Variants in PTPRK observed in about 807,000 individuals in gnomAD.
PTPRK encodes the protein receptor-type tyrosine-protein phosphatase kappa.
PTPRK carries 75 observed loss-of-function variants against 178.0 expected under a neutral mutation model. The ratio of observed to expected loss-of-function variants is 0.42; its 90% CI spans 0.35 to 0.51. The LOEUF (loss-of-function observed/expected upper bound fraction) is 0.51, where lower values mean the gene tolerates loss of function less well. Ranked by LOEUF, PTPRK falls within the 20% of genes least tolerant of loss-of-function variation. PTPRK has a pLI of 0.02. For synonymous variants in PTPRK, 637 were observed against 620.6 expected (o/e 1.03, Z -0.39); for missense variants, 1,441 against 1,797.8 (o/e 0.80, Z 3.59).
chr6:128,109,932 C>T (rs1790371291), intron 7 of PTPRK, among the ~76,000 whole-genome samples: 1 of 151,968 alleles, frequency 6.6e-6, no homozygotes, highest in Non-Finnish European at 1.5e-5. Flanking sequence ...GAGAGACAGG[C>T]TCTTGCTCTG....
At chr6:128,367,204 A>C (rs1835631340) in intron 2 of PTPRK, among the ~76,000 whole-genome samples, 1 of 152,140 alleles carries the variant, frequency 6.6e-6, no homozygotes, top group African/African-American at 2.4e-5. Context: ...ATGTATGGTT[A>C]ATTTAAATGC....
chr6:128,358,232 T>C (rs1268463964), intron 2 of PTPRK, among the ~76,000 whole-genome samples: 1 of 152,184 alleles, frequency 6.6e-6, no homozygotes, highest in African/African-American at 2.4e-5. Context: ...ACTATAATGG[T>C]CCTTGGCCCT....
At chr6:128,017,268 G>T (rs1255481684) in intron 13 of PTPRK, among the ~76,000 whole-genome samples, 1 of 151,910 alleles carries the variant, frequency 6.6e-6, no homozygotes, top group African/African-American at 2.4e-5. Flanking sequence ...TTTATGATTT[G>T]CACTTTATTT....
intron 2 of PTPRK, among the ~76,000 whole-genome samples, chr6:128,360,424 T>C (rs1432500263): frequency 2.6e-5 from 4 of 152,190 alleles, no homozygotes. Flanking sequence ...CTCCATCTCT[T>C]TGAAATTTCA....
intron 25 of PTPRK, among the ~76,000 whole-genome samples, chr6:127,979,194 T>C (rs1774968799): frequency 6.6e-6 from 1 of 152,168 alleles, no homozygotes; most frequent in African/African-American, 2.4e-5. Flanking sequence ...GAGGACCACT[T>C]GAGCCCAGGA....
chr6:128,139,271 G>A (rs571365913), intron 7 of PTPRK, among the ~76,000 whole-genome samples: 10 of 151,964 alleles, frequency 6.6e-5, no homozygotes, highest in Non-Finnish European at 1.3e-4. Flanking sequence ...TCTGAGTACA[G>A]GAATCAAGAA....
At chr6:128,226,136 C>T (rs978336134) in intron 5 of PTPRK, among the ~76,000 whole-genome samples, 1 of 152,168 alleles carries the variant, frequency 6.6e-6, no homozygotes, top group Non-Finnish European at 1.5e-5. Context: ...CAGCTTCTAG[C>T]CCTGAAGTAA....
intron 3 of PTPRK, among the ~76,000 whole-genome samples, chr6:128,289,603 C>A (rs1293706622): frequency 6.6e-6 from 1 of 151,992 alleles, no homozygotes; most frequent in African/African-American, 2.4e-5. Context: ...TTTTAAATAA[C>A]ATATTTGAAG....
At position 127,989,113 on chromosome 6, in the gene PTPRK, C is replaced by A. The variant is rs556181116; in HGVS notation, c.3096+1656G>T. Among the ~76,000 whole-genome samples the A allele has an allele frequency of 7.9e-5, 12 of 152,154 alleles. No individual in the cohort carries two copies. In the South Asian group the frequency reaches 2.5e-3, roughly 32 times the overall value. The stretch of plus-strand genomic sequence containing the variant: ...ATCATTGCTTTCTATTGGATTTTGG[C>A]AATATCTCAACTTTTTGTTATGTAT... On this transcript the variant is annotated intron_variant, in intron 21 of 29. Transcript: ENST00000368226.
intron 13 of PTPRK, among the ~76,000 whole-genome samples, chr6:128,029,443 G>C (rs1007355730): frequency 1.3e-5 from 2 of 151,892 alleles, no homozygotes; most frequent in African/African-American, 4.8e-5. Context: ...TGGATCATTT[G>C]AGTTCAAGAC....
intron 15 of PTPRK, among the ~76,000 whole-genome samples, chr6:128,003,010 C>G (rs935274735): frequency 6.6e-6 from 1 of 151,816 alleles, no homozygotes; most frequent in Non-Finnish European, 1.5e-5. Context: ...AATAGCATGC[C>G]TTGCTAATTT....
chr6:128,401,168 A>C (rs181581557), intron 1 of PTPRK, among the ~76,000 whole-genome samples: 1 of 152,184 alleles, frequency 6.6e-6, no homozygotes, highest in African/African-American at 2.4e-5. Flanking sequence ...TGTTTCTATG[A>C]TAGCAAGCCA....
intron 7 of PTPRK, among the ~76,000 whole-genome samples, chr6:128,166,699 T>C (rs1799457692): frequency 6.6e-6 from 1 of 151,752 alleles, no homozygotes; most frequent in Non-Finnish European, 1.5e-5. Flanking sequence ...AAATTTTTGT[T>C]TACTCTCATT....
chr6:128,260,334 A>G (rs1211536887), intron 3 of PTPRK, among the ~76,000 whole-genome samples: 2 of 152,168 alleles, frequency 1.3e-5, no homozygotes, highest in Non-Finnish European at 2.9e-5. Context: ...AAGATCCAGA[A>G]GCAGAGACAA....
chr6:128,445,037 C>T (rs1846760440), intron 1 of PTPRK, among the ~76,000 whole-genome samples: 1 of 151,388 alleles, frequency 6.6e-6, no homozygotes, highest in South Asian at 2.1e-4. Context: ...CTGGCACACA[C>T]TGATGCTCAA....
intron 1 of PTPRK, among the ~76,000 whole-genome samples, chr6:128,481,088 A>C (rs1852010576): frequency 6.6e-6 from 1 of 152,052 alleles, no homozygotes; most frequent in Non-Finnish European, 1.5e-5. Flanking sequence ...ACCCATAAAG[A>C]GTCAAATAGG....
intron 7 of PTPRK, among the ~76,000 whole-genome samples, chr6:128,128,707 T>A (rs921817660): frequency 6.6e-6 from 1 of 152,294 alleles, no homozygotes. Flanking sequence ...TCCAACAAAA[T>A]TTTAAGATAC....
intron 1 of PTPRK, among the ~76,000 whole-genome samples, chr6:128,465,097 A>T (rs973956557): frequency 2.0e-5 from 3 of 151,816 alleles, no homozygotes; most frequent in African/African-American, 4.8e-5. Flanking sequence ...CAACAAGAGC[A>T]GTTTGGTATG....
At chr6:128,190,424 T>C (rs938068565) in intron 6 of PTPRK, among the ~76,000 whole-genome samples, 1 of 151,874 alleles carries the variant, frequency 6.6e-6, no homozygotes, top group African/African-American at 2.4e-5. Context: ...ACTGATAGAA[T>C]TGAGTTAAAT....
Sources: gnomAD v4.1 joint callset for allele counts (sites outside exome capture counted in the v4.1 genomes callset) on GRCh38, gnomAD v4.1.1 for gene constraint, MANE v1.5 for transcripts, NCBI Gene and HGNC (gene_info 2026-07-23, HGNC 2026-07-21) for gene names.